The following NCBP3 variants were observed in gnomAD, a reference collection of about 807,000 sequenced individuals.
The protein encoded by NCBP3 is nuclear cap-binding protein subunit 3.
In NCBP3, 20 loss-of-function variants were observed where a neutral mutation model predicts 75.7. The observed-to-expected ratio is 0.26, with a 90% CI of 0.19 to 0.38. The LOEUF (loss-of-function observed/expected upper bound fraction) is 0.38, where lower values mean the gene tolerates loss of function less well. NCBP3 is among the 10% of genes least tolerant of loss of function. NCBP3 has a pLI of 1.00. For missense variants in NCBP3, 678 were observed against 796.9 expected (o/e 0.85, Z 1.80); for synonymous variants, 293 against 290.5 (o/e 1.01, Z -0.09).
At chr17:3,813,353 ACTGCCAACACCTG>A in intron 12 of NCBP3, 74 bp from the exon 13 acceptor site, 1 of 1,546,394 alleles carries the variant, frequency 6.5e-7, no homozygotes, top group South Asian at 1.2e-5. Context: ...GGGCAGCAGC[ACTGCCAACACCTG>A]CTGTGCAGGA....
intron 3 of NCBP3, among the ~76,000 whole-genome samples, chr17:3,838,211 A>G: frequency 6.6e-6 from 1 of 152,188 alleles, no homozygotes; most frequent in Non-Finnish European, 1.5e-5. Context: ...TCCACGGGGG[A>G]AGTGACACCT....
chr17:3,827,698 T>C (rs766160141), intron 4 of NCBP3, among the ~76,000 whole-genome samples: 6 of 152,244 alleles, frequency 3.9e-5, no homozygotes, highest in African/African-American at 1.2e-4. Context: ...TCTCAGGTTC[T>C]GATAAATAAT....
rs544498055 is a variant in NCBP3, at chr17:3,814,180, T to C, written c.1627+142A>G. The C allele has an allele frequency of 8.7e-5, 75 of 859,638 alleles. 1 individual carries two copies. In the African/African-American group the frequency reaches 1.1e-3, roughly 13 times the overall value. 53.3% of individuals were successfully genotyped at this position (859,638 alleles called of 1,614,324 possible). Reference sequence around the variant, plus strand: ...ATGATGCTGATGCTGATGCTGACGATAACTATAATGGAAAAGGAATAATCA... The same window carrying C: ...ATGATGCTGATGCTGATGCTGACGACAACTATAATGGAAAAGGAATAATCA... On this transcript the variant is annotated intron_variant, in intron 12 of 12. Transcript: ENST00000389005.
Position 3,818,649 on chromosome 17 carries a change from C to A in NCBP3, c.1001-77G>T. 3 of 1,488,064 alleles carry A rather than the reference C, an allele frequency of 2.0e-6. No individual in the cohort carries two copies. Among genetic ancestry groups the A allele is most frequent in the Admixed American group, 4.3e-5 (2 of 46,032 alleles). The allele number at this position is 1,488,064 out of a possible 1,614,324, so 92.2% of individuals were successfully genotyped here. A position where few individuals can be genotyped will look rare whatever the true frequency, so the allele number is the denominator to read the frequency against. ...ATGATTTTCTACTCTACATCGGTGA[C>A]CTTTTTAAAAGGTGGGGTTCCCATC... On this transcript the variant is annotated intron_variant, in intron 9 of 12. Coordinates refer to ENST00000389005, the MANE Select transcript of NCBP3 (RefSeq NM_001114118.3). The surrounding 1 kb of genome is among the most constrained non-coding windows in gnomAD (Gnocchi z 4.7).
intron 3 of NCBP3, among the ~76,000 whole-genome samples, chr17:3,833,547 C>T (rs2053921022): frequency 6.6e-6 from 1 of 151,700 alleles, no homozygotes; most frequent in Admixed American, 6.6e-5. Flanking sequence ...TGGCTCATGC[C>T]CATAATCCCA....
intron 2 of NCBP3, among the ~76,000 whole-genome samples, chr17:3,840,507 A>G (rs2054045666): frequency 6.6e-6 from 1 of 152,272 alleles, no homozygotes; most frequent in African/African-American, 2.4e-5. Context: ...TTATAAAGTT[A>G]TATGACACTT....
At chr17:3,817,068 C>T (rs1463140816) in intron 10 of NCBP3, among the ~76,000 whole-genome samples, 2 of 151,928 alleles carry the variant, frequency 1.3e-5, no homozygotes, top group Non-Finnish European at 2.9e-5. Flanking sequence ...CAAGGCCATA[C>T]AAACAAATCA....
chr17:3,832,604 C>T (rs1354177717), intron 3 of NCBP3, among the ~76,000 whole-genome samples: 1 of 148,516 alleles, frequency 6.7e-6, no homozygotes, highest in Non-Finnish European at 1.5e-5. Context: ...GCACTCCAGC[C>T]TGGGTGACAG....
rs1321689982 is a variant in NCBP3 at position 3,804,080 on chromosome 17, A to T, written c.*8964T>A. The T allele has an allele frequency of 6.6e-6, 1 of 152,244 alleles. No homozygotes were observed. The highest frequency in any genetic ancestry group is 1.5e-5 in the Non-Finnish European group (1 of 68,080). 9.4% of individuals were successfully genotyped at this position (152,244 alleles called of 1,614,324 possible). ...GACAGAGCGAGACTCCGTCTCAGAA[A>T]AAGTGGCCAGGTGCACTTGTAGTCA... On this transcript the variant is annotated 3_prime_UTR_variant, in exon 13 of 13. Transcript: ENST00000389005.
At chr17:3,815,114 A>C (rs902540401) in intron 11 of NCBP3, among the ~76,000 whole-genome samples, 1 of 152,174 alleles carries the variant, frequency 6.6e-6, no homozygotes, top group Non-Finnish European at 1.5e-5. Flanking sequence ...CCTAGCACTG[A>C]GTCTTCCTTC....
intron 2 of NCBP3, among the ~76,000 whole-genome samples, chr17:3,841,845 A>AC (rs1166144105): frequency 6.6e-6 from 1 of 151,486 alleles, no homozygotes; most frequent in African/African-American, 2.4e-5. Context: ...AAAAAAAAAA[A>AC]AAACACTATA....
At chr17:3,821,612 G>A (rs1256609189) in intron 8 of NCBP3, among the ~76,000 whole-genome samples, 2 of 151,912 alleles carry the variant, frequency 1.3e-5, no homozygotes, top group Non-Finnish European at 2.9e-5. Context: ...TAGTAGAGAC[G>A]GGGTTTCACC....
chr17:3,825,098 T>C, intron 6 of NCBP3, 48 bp from the exon 7 acceptor site: 4 of 1,081,500 alleles, frequency 3.7e-6, no homozygotes, highest in Non-Finnish European at 5.3e-6. Flanking sequence ...GTCCTTTTGA[T>C]ATTTCTTCAG....
At position 3,826,159 on chromosome 17, in the gene NCBP3, A is replaced by C; in HGVS notation, c.538T>G (p.Ser180Ala). 1 of 1,551,616 alleles carries C rather than the reference A, an allele frequency of 6.4e-7. No individual in the cohort carries two copies. Among genetic ancestry groups the C allele is most frequent in the South Asian group, 1.2e-5 (1 of 84,058 alleles). The change falls in exon 5 of 13, where the codon TCC becomes GCC. Residue 180 changes from serine to alanine, a missense_variant. This residue lies in a region of NCBP3 where 98 missense variants were observed against 101.8 expected (regional missense o/e 0.96). Transcript: ENST00000389005. ...TATRALINMS[S>A]LPAQDKIRSR... Reference sequence around the variant, plus strand: ...CTGATCTTATCCTGTGCAGGCAGGGAGCTCATATTGATAAGTGCTCGTGTG... The same window carrying C: ...CTGATCTTATCCTGTGCAGGCAGGGCGCTCATATTGATAAGTGCTCGTGTG...
At chr17:3,824,652 A>G (rs1020319571) in intron 7 of NCBP3, 6 of 195,866 alleles carry the variant, frequency 3.1e-5, no homozygotes, top group African/African-American at 1.2e-4. Flanking sequence ...TTCATTTGAA[A>G]GTTTTCATAA....
In NCBP3 at chr17:3,805,125, C is replaced by A. The variant is rs1217391992; in HGVS notation, c.*7919G>T. The A allele has an allele frequency of 6.6e-6, 1 of 152,212 alleles. No individual in the cohort carries two copies. The highest frequency in any genetic ancestry group is 1.5e-5 in the Non-Finnish European group (1 of 68,076). 9.4% of individuals were successfully genotyped at this position (152,212 alleles called of 1,614,324 possible). On this transcript the variant is annotated 3_prime_UTR_variant, in exon 13 of 13. Coordinates refer to ENST00000389005, the MANE Select transcript of NCBP3 (RefSeq NM_001114118.3). ...GGGACTACAGGTGCCCGCCACCACA[C>A]CCGGCTAATTTTTGTATTTTTAGTA...
chr17:3,825,619 C>G, intron 6 of NCBP3, 148 bp downstream of exon 6: 1 of 606,278 alleles, frequency 1.6e-6, no homozygotes, highest in Non-Finnish European at 2.9e-6. Flanking sequence ...TCCACACTAA[C>G]TTAAAGGACA....
intron 12 of NCBP3, among the ~76,000 whole-genome samples, 183 bp downstream of exon 12, chr17:3,814,139 G>A (rs897683098): frequency 3.3e-5 from 5 of 152,128 alleles, no homozygotes; most frequent in African/African-American, 4.8e-5. Context: ...TTTTCTAAGC[G>A]TTCCTAACTG....
rs1278378610 is a variant in NCBP3 at position 3,821,274 on chromosome 17, C to T, written c.975G>A (p.Leu325=). The change falls in exon 9 of 13, where the codon TTG becomes TTA. Residue 325 remains leucine, a synonymous_variant. Transcript: ENST00000389005. The stretch of plus-strand genomic sequence containing the variant: ...CAGAATGTCGATGTTTATACGACGT[C>T]AAGCCAACGTCATCCCCAATCAGGG... The part of the protein sequence containing the change: ...KRALIGDDVG[L]TSYKHRHSGL... 1 of 1,613,996 alleles carries T rather than the reference C, an allele frequency of 6.2e-7. No individual in the cohort carries two copies.
Sources: allele counts gnomAD v4.1 joint callset (sites outside exome capture counted in the v4.1 genomes callset), GRCh38; gene constraint gnomAD v4.1.1; regional missense constraint gnomAD v4.1.1; non-coding constraint Gnocchi (gnomAD v3.1); transcripts MANE v1.5; gene names NCBI Gene and HGNC (gene_info 2026-07-23, HGNC 2026-07-21).